The following ACKR1 variants were observed in gnomAD, a reference collection of about 807,000 sequenced individuals.
ACKR1 encodes atypical chemokine receptor 1.
ACKR1 carries 3 observed loss-of-function variants against 2.5 expected under a neutral mutation model. The ratio of observed to expected loss-of-function variants is 1.18; its 90% CI spans 0.54 to 3.06. ACKR1 has a LOEUF of 3.06. Ranked by LOEUF, ACKR1 falls within the 30% of genes most tolerant of loss-of-function variation. The probability of loss-of-function intolerance (pLI) is 0.03; values close to 1 mark genes in which losing one functional copy is unlikely to be tolerated. For synonymous variants in ACKR1, 208 were observed against 178.2 expected, an observed-to-expected ratio of 1.17 and a Z score of -1.33; for missense variants, 438 against 395.2, an observed-to-expected ratio of 1.11 and a Z score of -0.92.
In ACKR1 at chr1:159,206,459, C is replaced by T. The variant is rs866229636; in HGVS notation, c.*9C>T. 2 of 1,602,012 alleles carry T rather than the reference C, an allele frequency of 1.2e-6. No individual in the cohort carries two copies. Among genetic ancestry groups the T allele is most frequent in the Non-Finnish European group, 1.7e-6 (2 of 1,172,036 alleles). On this transcript the variant is annotated 3_prime_UTR_variant, in exon 2 of 2. Transcript: ENST00000368122. The stretch of plus-strand genomic sequence containing the variant: ...TTGGAAGCAAATCCTAGTTCTCTTC[C>T]CACCTGTCAACCTGAATTAAAGTCT...
chr1:159,206,492 C>T lies in ACKR1; in HGVS notation c.*42C>T. The T allele has an allele frequency of 6.5e-7, 1 of 1,537,984 alleles. No homozygotes were observed. Among genetic ancestry groups the T allele is most frequent in the African/African-American group, 1.4e-5 (1 of 72,634 alleles). On this transcript the variant is annotated 3_prime_UTR_variant, in exon 2 of 2. Transcript: ENST00000368122. ...CAACCTGAATTAAAGTCTACACTGC[C>T]TTTGTGAAGCGGGTGGTTTCTTATT... is the stretch of plus-strand genomic sequence containing the variant.
rs763701306 is a variant in ACKR1 at position 159,205,782 on chromosome 1, G to A, written c.343G>A (p.Val115Ile). ...GSALFSIVVP[V>I]LAPGLGSTRS... ...TGCCCTCTTCAGCATTGTGGTGCCC[G>A]TCTTGGCCCCAGGGCTAGGTAGCAC... Residue 115 changes from valine to isoleucine, a missense_variant, in exon 2 of 2, where the codon GTC becomes ATC. Physicochemically the swap from Val to Ile is conservative, Grantham distance 29. Coordinates refer to ENST00000368122, the MANE Select transcript of ACKR1 (RefSeq NM_002036.4). The A allele has an allele frequency of 1.5e-5, 24 of 1,613,968 alleles. No individual in the cohort carries two copies. The highest frequency in any genetic ancestry group is 6.6e-5 in the South Asian group (6 of 91,076).
rs770200772 is a variant in ACKR1, at chr1:159,206,301, C to G, written c.862C>G (p.Leu288Val). The change falls in exon 2 of 2, where the codon CTG becomes GTG. Residue 288 changes from leucine to valine, a missense_variant. Transcript: ENST00000368122. ...AQQALDLLLNLAEALAILHCV... is the reference protein window; with the variant it reads ...AQQALDLLLNVAEALAILHCV... ...GCAGGCTCTGGACCTGCTGCTGAACCTGGCAGAAGCCCTGGCAATTTTGCA... is the reference window on the plus strand; with the variant it reads ...GCAGGCTCTGGACCTGCTGCTGAACGTGGCAGAAGCCCTGGCAATTTTGCA... The G allele has an allele frequency of 1.2e-6, 2 of 1,614,224 alleles. No individual in the cohort carries two copies. Among genetic ancestry groups the G allele is most frequent in the Non-Finnish European group, 1.7e-6 (2 of 1,180,050 alleles).
rs1242391407 is a variant in ACKR1, at chr1:159,205,671, A to G, written c.232A>G (p.Thr78Ala). The change falls in exon 2 of 2, where the codon ACT becomes GCT. Residue 78 changes from threonine (T) to alanine (A), a missense_variant. By Grantham distance (58) the Thr-to-Ala change is moderately conservative (BLOSUM62 0). Transcript: ENST00000368122. Reference sequence around the variant, plus strand: ...TGTCCTGGGTATCCTAGCTAGCAGCACTGTCCTCTTCATGCTTTTCAGACC... The same window carrying G: ...TGTCCTGGGTATCCTAGCTAGCAGCGCTGTCCTCTTCATGCTTTTCAGACC... ...TSVLGILASS[T>A]VLFMLFRPLF... The G allele has an allele frequency of 6.2e-7, 1 of 1,614,086 alleles. No individual in the cohort carries two copies. The highest frequency in any genetic ancestry group is 1.3e-5 in the African/African-American group (1 of 74,924).
In ACKR1 at chr1:159,206,246, G is replaced by A; in HGVS notation, c.807G>A (p.Lys269=). 6.2e-7 allele frequency: 1 copy of A among 1,614,228 alleles called. No homozygotes were observed. The highest frequency in any genetic ancestry group is 8.5e-7 in the Non-Finnish European group (1 of 1,180,036). Residue 269 remains lysine, a synonymous_variant, in exon 2 of 2, where the codon AAG becomes AAA. Transcript: ENST00000368122. The part of the protein sequence containing the change: ...VLGLDFLVRS[K]LLLLSTCLAQ... ...GACTGGATTTCCTGGTGAGGTCCAAGCTGTTGCTGTTGTCAACATGTCTGG... is the reference window on the plus strand; with the variant it reads ...GACTGGATTTCCTGGTGAGGTCCAAACTGTTGCTGTTGTCAACATGTCTGG...
At position 159,205,662 on chromosome 1, in the gene ACKR1, G is replaced by C. The variant is rs1358654328; in HGVS notation, c.223G>C (p.Ala75Pro). The change falls in exon 2 of 2, where the codon GCT becomes CCT. Residue 75 changes from alanine (A) to proline (P), a missense_variant. By Grantham distance (27) the Ala-to-Pro change is conservative (BLOSUM62 -1). Transcript: ENST00000368122. Reference protein sequence around the residue: ...FILTSVLGILASSTVLFMLFR... With the variant: ...FILTSVLGILPSSTVLFMLFR... ...CCTCACCAGTGTCCTGGGTATCCTA[G>C]CTAGCAGCACTGTCCTCTTCATGCT... The C allele has an allele frequency of 1.9e-6, 3 of 1,614,218 alleles. No homozygotes were observed. The highest frequency in any genetic ancestry group is 2.5e-6 in the Non-Finnish European group (3 of 1,180,030).
chr1:159,205,984 T>G lies in ACKR1; in HGVS notation c.545T>G (p.Leu182Arg), dbSNP rs1650435085. The change falls in exon 2 of 2, where the codon CTG becomes CGG. Residue 182 changes from leucine (L) to arginine (R), a missense_variant. Physicochemically the swap from Leu to Arg is moderately radical, Grantham distance 102. Coordinates refer to ENST00000368122, the MANE Select transcript of ACKR1 (RefSeq NM_002036.4). ...GIWGVAALLTLPVTLASGASG... is the reference protein window; with the variant it reads ...GIWGVAALLTRPVTLASGASG... ...TGGGGAGTGGCTGCCCTACTGACACTGCCTGTCACCCTGGCCAGTGGTGCT... is the reference window on the plus strand; with the variant it reads ...TGGGGAGTGGCTGCCCTACTGACACGGCCTGTCACCCTGGCCAGTGGTGCT... 1 of 1,614,194 alleles carries G rather than the reference T, an allele frequency of 6.2e-7. No individual in the cohort carries two copies. Among genetic ancestry groups the G allele is most frequent in the Non-Finnish European group, 8.5e-7 (1 of 1,180,010 alleles).
rs1650413289 is a variant in ACKR1 at position 159,205,593 on chromosome 1, C to T, written c.154C>T (p.His52Tyr). Reference protein sequence around the residue: ...GANLEAAAPCHSCNLLDDSAL... With the variant: ...GANLEAAAPCYSCNLLDDSAL... ...CAACCTGGAAGCAGCTGCCCCCTGCCACTCCTGTAACCTGCTGGATGACTC... is the reference window on the plus strand; with the variant it reads ...CAACCTGGAAGCAGCTGCCCCCTGCTACTCCTGTAACCTGCTGGATGACTC... Residue 52 changes from histidine (H) to tyrosine (Y), a missense_variant, in exon 2 of 2, where the codon CAC becomes TAC. Physicochemically the swap from His to Tyr is moderately conservative, Grantham distance 83 (BLOSUM62 2). Transcript: ENST00000368122. 3 of 1,614,114 alleles carry T rather than the reference C, an allele frequency of 1.9e-6. No individual in the cohort carries two copies. Among genetic ancestry groups the T allele is most frequent in the Admixed American group, 1.7e-5 (1 of 60,014 alleles).
rs1202313332 is a variant in ACKR1, at chr1:159,205,148, C to A, written c.21+168C>A. The A allele has an allele frequency of 8.3e-5, 67 of 808,882 alleles. No homozygotes were observed. In the Admixed American group the frequency reaches 1.6e-3, roughly 19 times the overall value. 50.1% of individuals were successfully genotyped at this position (808,882 alleles called of 1,614,324 possible). A position where few individuals can be genotyped will look rare whatever the true frequency, so the allele number is the denominator to read the frequency against. ...TTTCCTTCTCTCCTTCCTATGCTAG[C>A]CTCCTAGCTCCCTCTTGTGTCCCTC... On this transcript the variant is annotated intron_variant, in intron 1 of 1. Coordinates refer to ENST00000368122, the MANE Select transcript of ACKR1 (RefSeq NM_002036.4).
Position 159,205,830 on chromosome 1 carries a change from C to T in ACKR1, c.391C>T (p.Leu131=). 3 of 1,614,022 alleles carry T rather than the reference C, an allele frequency of 1.9e-6. No homozygotes were observed. The highest frequency in any genetic ancestry group is 1.7e-6 in the Non-Finnish European group (2 of 1,179,924). Residue 131 remains leucine, a synonymous_variant, in exon 2 of 2, where the codon CTG becomes TTG. Coordinates refer to ENST00000368122, the MANE Select transcript of ACKR1 (RefSeq NM_002036.4). ...CACTCGCAGCTCTGCCCTGTGTAGCCTGGGCTACTGTGTCTGGTATGGCTC... is the reference window on the plus strand; with the variant it reads ...CACTCGCAGCTCTGCCCTGTGTAGCTTGGGCTACTGTGTCTGGTATGGCTC... ...GSTRSSALCS[L]GYCVWYGSAF...
At chr1:159,205,329 G>A (rs1650402957) in intron 1 of ACKR1, 132 bp from the exon 2 acceptor site, 1 of 1,120,486 alleles carries the variant, frequency 8.9e-7, no homozygotes, top group Admixed American at 2.4e-5. Flanking sequence ...TGTCCGCACT[G>A]CATCTGACTC....
Position 159,205,807 on chromosome 1 carries a change from C to T in ACKR1, c.368C>T (p.Thr123Ile), listed in dbSNP as rs200879437. The T allele has an allele frequency of 6.2e-5, 100 of 1,613,938 alleles. No individual in the cohort carries two copies. The highest frequency in any genetic ancestry group is 7.4e-5 in the Non-Finnish European group (87 of 1,179,982). ...GTCTTGGCCCCAGGGCTAGGTAGCACTCGCAGCTCTGCCCTGTGTAGCCTG... is the reference window on the plus strand; with the variant it reads ...GTCTTGGCCCCAGGGCTAGGTAGCATTCGCAGCTCTGCCCTGTGTAGCCTG... ...VPVLAPGLGSTRSSALCSLGY... is the reference protein window; with the variant it reads ...VPVLAPGLGSIRSSALCSLGY... Residue 123 changes from threonine (T) to isoleucine (I), a missense_variant, in exon 2 of 2, where the codon ACT becomes ATT. Coordinates refer to ENST00000368122, the MANE Select transcript of ACKR1 (RefSeq NM_002036.4).
chr1:159,205,584 G>A lies in ACKR1; in HGVS notation c.145G>A (p.Ala49Thr). 1 of 1,614,232 alleles carries A rather than the reference G, an allele frequency of 6.2e-7. No individual in the cohort carries two copies. The highest frequency in any genetic ancestry group is 1.1e-5 in the South Asian group (1 of 91,090). Residue 49 changes from alanine to threonine, a missense_variant, in exon 2 of 2, where the codon GCC (alanine) becomes ACC (threonine). Ala to Thr is a moderately conservative substitution (Grantham distance 58). Coordinates refer to ENST00000368122, the MANE Select transcript of ACKR1 (RefSeq NM_002036.4). The part of the protein sequence containing the change: ...GDYGANLEAA[A>T]PCHSCNLLDD... Reference sequence around the variant, plus strand: ...CTATGGTGCCAACCTGGAAGCAGCTGCCCCCTGCCACTCCTGTAACCTGCT... The same window carrying A: ...CTATGGTGCCAACCTGGAAGCAGCTACCCCCTGCCACTCCTGTAACCTGCT...
chr1:159,205,432 T>C (rs1319573681), intron 1 of ACKR1, 29 bp from the exon 2 acceptor site: 2 of 1,586,474 alleles, frequency 1.3e-6, no homozygotes, highest in African/African-American at 2.7e-5. Context: ...GGTGTAACTC[T>C]GATGGCCTCC....
chr1:159,205,555 G>A lies in ACKR1; in HGVS notation c.116G>A (p.Gly39Glu), dbSNP rs373957354. The A allele has an allele frequency of 5.0e-5, 81 of 1,614,120 alleles. No individual in the cohort carries two copies. Among genetic ancestry groups the A allele is most frequent in the Non-Finnish European group, 6.7e-5 (79 of 1,180,048 alleles). ...SYGVNDSFPD[G>E]DYGANLEAAA... ...GGTGTGAATGATTCCTTCCCAGATG[G>A]AGACTATGGTGCCAACCTGGAAGCA... Residue 39 changes from glycine (G) to glutamate (E), a missense_variant, in exon 2 of 2, where the codon GGA (glycine) becomes GAA (glutamate). By Grantham distance (98) the Gly-to-Glu change is moderately conservative. Transcript: ENST00000368122.
chr1:159,205,912 G>T lies in ACKR1; in HGVS notation c.473G>T (p.Gly158Val). The change falls in exon 2 of 2, where the codon GGT becomes GTT. Residue 158 changes from glycine (G) to valine (V), a missense_variant. Physicochemically the swap from Gly to Val is moderately radical, Grantham distance 109. Transcript: ENST00000368122. ...CATGCCTCCCTGGGCCACAGACTGG[G>T]TGCAGGCCAGGTCCCAGGCCTCACC... Reference protein sequence around the residue: ...GCHASLGHRLGAGQVPGLTLG... With the variant: ...GCHASLGHRLVAGQVPGLTLG... The T allele has an allele frequency of 6.2e-7, 1 of 1,614,074 alleles. No homozygotes were observed. Among genetic ancestry groups the T allele is most frequent in the East Asian group, 2.2e-5 (1 of 44,882 alleles).
chr1:159,205,141 A>G (rs1650396564), intron 1 of ACKR1, 161 bp downstream of exon 1: 2 of 860,718 alleles, frequency 2.3e-6, no homozygotes, highest in Non-Finnish European at 3.5e-6. Context: ...TCTCCTTCCT[A>G]TGCTAGCCTC....
At position 159,205,763 on chromosome 1, in the gene ACKR1, C is replaced by T. The variant is rs774114180; in HGVS notation, c.324C>T (p.Leu108=). 4 of 1,613,914 alleles carry T rather than the reference C, an allele frequency of 2.5e-6. No homozygotes were observed. Among genetic ancestry groups the T allele is most frequent in the South Asian group, 1.1e-5 (1 of 91,088 alleles). ...VLAQLAVGSA[L]FSIVVPVLAP... ...CACAGCTGGCTGTGGGCAGTGCCCTCTTCAGCATTGTGGTGCCCGTCTTGG... is the reference window on the plus strand; with the variant it reads ...CACAGCTGGCTGTGGGCAGTGCCCTTTTCAGCATTGTGGTGCCCGTCTTGG... The change falls in exon 2 of 2, where the codon CTC becomes CTT. Residue 108 remains leucine, a synonymous_variant. Transcript: ENST00000368122.
rs768089961 is a variant in ACKR1, at chr1:159,205,971, G to A, written c.532G>A (p.Ala178Thr). 3 of 1,613,984 alleles carry A rather than the reference G, an allele frequency of 1.9e-6. No homozygotes were observed. Among genetic ancestry groups the A allele is most frequent in the East Asian group, 2.2e-5 (1 of 44,894 alleles). The change falls in exon 2 of 2, where the codon GCC becomes ACC. Residue 178 changes from alanine to threonine, a missense_variant. Physicochemically the swap from Ala to Thr is moderately conservative, Grantham distance 58. Transcript: ENST00000368122. ...CACTGTGGGAATTTGGGGAGTGGCT[G>A]CCCTACTGACACTGCCTGTCACCCT... is the stretch of plus-strand genomic sequence containing the variant. Reference protein sequence around the residue: ...GLTVGIWGVAALLTLPVTLAS... With the variant: ...GLTVGIWGVATLLTLPVTLAS...
Sources: allele counts gnomAD v4.1 joint callset, GRCh38; gene constraint gnomAD v4.1.1; transcripts MANE v1.5; gene names NCBI Gene and HGNC (gene_info 2026-07-23, HGNC 2026-07-21).